SLC5A4: variants seen among roughly 807,000 people sequenced by gnomAD.
The protein encoded by SLC5A4 is probable glucose sensor protein SLC5A4.
Under a neutral mutation model 70.3 loss-of-function variants are expected in SLC5A4, and 55 were observed. The observed-to-expected ratio is 0.78, with a 90% CI of 0.63 to 0.98. The LOEUF (loss-of-function observed/expected upper bound fraction) is 0.98. Among genes scored for constraint, SLC5A4 ranks in the 50% least tolerant of loss-of-function variants. The pLI, the probability that SLC5A4 is intolerant of heterozygous loss-of-function variation, is 0.00. For missense variants in SLC5A4, 735 were observed against 839.2 expected (o/e 0.88, Z 1.53); for synonymous variants, 268 against 305.7 (o/e 0.88, Z 1.29).
chr22:32,313,738 C>G, the SLC5A4 span, among the ~76,000 whole-genome samples: 1 of 152,206 alleles, frequency 6.6e-6, no homozygotes, highest in Non-Finnish European at 1.5e-5. Flanking sequence ...TTCCCAGACT[C>G]CCTTGCAAGC....
chr22:32,263,437 CAT>C, the SLC5A4 span, among the ~76,000 whole-genome samples: 3 of 152,108 alleles, frequency 2.0e-5, no homozygotes, highest in East Asian at 3.8e-4. Flanking sequence ...GGCCAAGAAA[CAT>C]ATGAAAAAAA....
At chr22:32,221,698 C>A (rs8138638) in intron 13 of SLC5A4, among the ~76,000 whole-genome samples, 27,269 of 151,864 alleles carry the variant, frequency 0.18, 2,944 homozygotes, top group African/African-American at 0.29. Context: ...TAAATATCAG[C>A]CCTGGGTCAT....
At chr22:32,261,142 G>A in the SLC5A4 span, among the ~76,000 whole-genome samples, 73 of 152,034 alleles carry the variant, frequency 4.8e-4, 2 homozygotes, top group South Asian at 0.014. Context: ...CCCCTTTAGC[G>A]AAGGCTAAAC....
chr22:32,323,121 G>A, the SLC5A4 span, among the ~76,000 whole-genome samples: 4 of 152,036 alleles, frequency 2.6e-5, no homozygotes, highest in Admixed American at 6.6e-5. Context: ...GGCACCCTCC[G>A]GGATTCTCCC....
At chr22:32,303,574 G>A in the SLC5A4 span, among the ~76,000 whole-genome samples, 1 of 149,808 alleles carries the variant, frequency 6.7e-6, no homozygotes, top group Non-Finnish European at 1.5e-5. Flanking sequence ...CACAATTTCA[G>A]ATTGGCTTCT....
the SLC5A4 span, among the ~76,000 whole-genome samples, chr22:32,293,516 G>C: frequency 5.3e-5 from 8 of 152,062 alleles, no homozygotes; most frequent in East Asian, 3.9e-4. Context: ...TGTAAATATT[G>C]TTTGGTATTC....
the SLC5A4 span, among the ~76,000 whole-genome samples, chr22:32,308,512 G>T: frequency 6.6e-6 from 1 of 152,194 alleles, no homozygotes; most frequent in South Asian, 2.1e-4. Flanking sequence ...TGTTTGACAT[G>T]ACCTGAAGAG....
At chr22:32,257,068 T>C (rs962493067), upstream of SLC5A4, among the ~76,000 whole-genome samples, 1 of 152,250 alleles carries the variant, frequency 6.6e-6, no homozygotes, top group Non-Finnish European at 1.5e-5. Flanking sequence ...TCCTCTTCAA[T>C]ACTTGTCATT....
At chr22:32,308,778 G>A in the SLC5A4 span, among the ~76,000 whole-genome samples, 1 of 152,152 alleles carries the variant, frequency 6.6e-6, no homozygotes, top group Admixed American at 6.5e-5. Flanking sequence ...ATGTGTGTGA[G>A]GGCATGTGCT....
At chr22:32,337,532 C>T in the SLC5A4 span, among the ~76,000 whole-genome samples, 24 of 147,592 alleles carry the variant, frequency 1.6e-4, no homozygotes, top group African/African-American at 5.8e-4. Flanking sequence ...AGACTGTCTC[C>T]AAAAAGAAAA....
intron 8 of SLC5A4, among the ~76,000 whole-genome samples, chr22:32,234,565 G>A (rs1013322540): frequency 6.6e-6 from 1 of 152,058 alleles, no homozygotes; most frequent in Non-Finnish European, 1.5e-5. Context: ...TGGGCGTGGT[G>A]GTGCACATCT....
At chr22:32,272,099 C>A in the SLC5A4 span, 10 of 655,576 alleles carry the variant, frequency 1.5e-5, no homozygotes, top group Non-Finnish European at 2.8e-5. Context: ...AGCTTGTGAC[C>A]AGCACGAAGA....
chr22:32,253,530 A>G (rs1342143187), intron 2 of SLC5A4, among the ~76,000 whole-genome samples: 3 of 152,240 alleles, frequency 2.0e-5, no homozygotes, highest in Non-Finnish European at 2.9e-5. Flanking sequence ...CTGGCAACAA[A>G]GCAGGAATGC....
chr22:32,245,811 G>A (rs1438876234), intron 5 of SLC5A4, among the ~76,000 whole-genome samples: 2 of 152,160 alleles, frequency 1.3e-5, no homozygotes, highest in African/African-American at 4.8e-5. Flanking sequence ...GAGCCACTGC[G>A]CCCGGCCTGC....
intron 3 of SLC5A4, among the ~76,000 whole-genome samples, chr22:32,250,010 A>G (rs1927049774): frequency 6.6e-6 from 1 of 152,068 alleles, no homozygotes; most frequent in African/African-American, 2.4e-5. Flanking sequence ...AAGATTGGAC[A>G]CCCCTGTGCT....
At chr22:32,317,191 A>T in the SLC5A4 span, among the ~76,000 whole-genome samples, 1 of 152,204 alleles carries the variant, frequency 6.6e-6, no homozygotes, top group Non-Finnish European at 1.5e-5. Context: ...CAGACAGCAA[A>T]AAATAAAAAC....
At chr22:32,252,262 C>T (rs1018199121) in intron 2 of SLC5A4, among the ~76,000 whole-genome samples, 5 of 151,520 alleles carry the variant, frequency 3.3e-5, no homozygotes, top group Non-Finnish European at 5.9e-5. Context: ...TAGACAGATG[C>T]TGAGATGTTT....
At chr22:32,312,346 C>T in the SLC5A4 span, among the ~76,000 whole-genome samples, 4 of 140,958 alleles carry the variant, frequency 2.8e-5, no homozygotes, top group East Asian at 8.6e-4. Context: ...CAAGAACACC[C>T]CAAATCACAC....
At chr22:32,312,349 A>G in the SLC5A4 span, among the ~76,000 whole-genome samples, 1 of 127,456 alleles carries the variant, frequency 7.8e-6, no homozygotes, top group East Asian at 2.3e-4. Flanking sequence ...GAACACCCCA[A>G]ATCACACGCG....
Sources: gnomAD v4.1 joint callset for allele counts (sites outside exome capture counted in the v4.1 genomes callset) on GRCh38, gnomAD v4.1.1 for gene constraint, MANE v1.5 for transcripts, NCBI Gene and HGNC (gene_info 2026-07-23, HGNC 2026-07-21) for gene names.